The following ADCY7 variants were observed in gnomAD, a reference collection of about 807,000 sequenced individuals.
ADCY7 encodes adenylate cyclase 7, also known as adenylate cyclase type 7.
In ADCY7, 72 loss-of-function variants were observed where a neutral mutation model predicts 120.6. The ratio of observed to expected loss-of-function variants is 0.60; its 90% CI spans 0.49 to 0.73. ADCY7 has a LOEUF of 0.73. ADCY7 is among the 30% of genes least tolerant of loss of function. ADCY7 has a pLI of 0.00. For synonymous variants in ADCY7, 661 were observed against 628.0 expected (o/e 1.05, Z -0.78); for missense variants, 1,227 against 1,486.0 (o/e 0.83, Z 2.87).
chr16:50,304,302 C>T (rs1050229484), intron 10 of ADCY7, 58 bp from the exon 11 acceptor site: 2 of 1,357,750 alleles, frequency 1.5e-6, no homozygotes, highest in African/African-American at 3.0e-5. Context: ...GATGGCGGCC[C>T]CTTCCTGGGC....
At chr16:50,288,598 C>T (rs1175511725) in intron 2 of ADCY7, among the ~76,000 whole-genome samples, 3 of 152,198 alleles carry the variant, frequency 2.0e-5, no homozygotes, top group Admixed American at 6.5e-5. Context: ...CTGCCTCAGC[C>T]TTCCGAGTAG....
At chr16:50,279,164 G>T (rs2034097979) in intron 1 of ADCY7, among the ~76,000 whole-genome samples, 1 of 152,128 alleles carries the variant, frequency 6.6e-6, no homozygotes, top group African/African-American at 2.4e-5. Context: ...GAGCCACCGT[G>T]CCAGGTCTAT....
At chr16:50,263,167 C>T (rs1464768298), upstream of ADCY7, among the ~76,000 whole-genome samples, 6 of 152,288 alleles carry the variant, frequency 3.9e-5, no homozygotes, top group Admixed American at 2.0e-4. Flanking sequence ...GGGATGATAG[C>T]AGGGCCTTCC....
rs1293639166 is a variant in ADCY7, at chr16:50,309,537, C to G, written c.2062-11C>G. The stretch of plus-strand genomic sequence containing the variant: ...TGTCCCTGGACTGATGGGGACCTGT[C>G]TCCTCTACAGCCCCTGATGCCTTTC... On this transcript the variant is annotated splice_polypyrimidine_tract_variant and intron_variant, in intron 17 of 25. Transcript: ENST00000673801. The G allele has an allele frequency of 3.1e-6, 5 of 1,612,730 alleles. No homozygotes were observed. The South Asian group carries it at 5.5e-5, about 18-fold the overall frequency.
chr16:50,300,364 G>A (rs1457939709), intron 8 of ADCY7, among the ~76,000 whole-genome samples: 3 of 152,168 alleles, frequency 2.0e-5, no homozygotes, highest in Non-Finnish European at 4.4e-5. Context: ...GAGCCACCAC[G>A]CCCGGCCCCC....
intron 1 of ADCY7, among the ~76,000 whole-genome samples, chr16:50,285,031 G>C (rs905952105): frequency 2.0e-5 from 3 of 152,230 alleles, no homozygotes; most frequent in African/African-American, 7.2e-5. Context: ...AGGGTTGGAT[G>C]TATATGGTTA....
chr16:50,293,534 C>T (rs748333762), intron 6 of ADCY7, 32 bp downstream of exon 6: 14 of 1,608,370 alleles, frequency 8.7e-6, no homozygotes, highest in Admixed American at 1.7e-5. Flanking sequence ...TAGCATATCC[C>T]GGGGACTGGG....
At chr16:50,278,883 T>C (rs911420896) in intron 1 of ADCY7, among the ~76,000 whole-genome samples, 2 of 151,682 alleles carry the variant, frequency 1.3e-5, no homozygotes, top group Non-Finnish European at 2.9e-5. Context: ...TCTTTTTTTT[T>C]TTTTTTTTGG....
intron 1 of ADCY7, among the ~76,000 whole-genome samples, chr16:50,286,349 A>C (rs1392535343): frequency 4.2e-5 from 6 of 142,274 alleles, no homozygotes; most frequent in Admixed American, 2.2e-4. Flanking sequence ...GGATTGCCTG[A>C]GCCCTGGGAG....
At position 50,295,345 on chromosome 16, in the gene ADCY7, ATTTTTTTTTTTTTTTT is replaced by A. The variant is rs67137852; in HGVS notation, c.948+609_948+624del. ...AGGCATGCACCACCACGCCTGGCTA[ATTTTTTTTTTTTTTTT>A]TTTTTTTTTTTTTTGTAGCAATGGG... On this transcript the variant is annotated intron_variant, in intron 7 of 25. Transcript: ENST00000673801. Among the ~76,000 whole-genome samples, 302 of 82,756 alleles carry A rather than the reference ATTTTTTTTTTTTTTTT, an allele frequency of 3.6e-3. 2 individuals are homozygous for A. Among genetic ancestry groups the A allele is most frequent in the African/African-American group, 0.013 (284 of 21,086 alleles). The allele number at this position is 82,756 out of a possible 152,430, so 54.3% of individuals were successfully genotyped here.
chr16:50,248,653 C>T lies in ADCY7; in HGVS notation c.-64+2450C>T, dbSNP rs116841849. Among the ~76,000 whole-genome samples, 38 of 152,294 alleles carry T rather than the reference C, an allele frequency of 2.5e-4. No individual in the cohort carries two copies. In the East Asian group the frequency reaches 6.8e-3, roughly 27 times the overall value. ...GTGCTTTCTGTGTTTTCAAAATTGT[C>T]GGCAATGAGGAAGAAAAGCAAAACT... On this transcript the variant is annotated intron_variant, in intron 1 of 4. Transcript: ENST00000564044.
chr16:50,281,158 G>C (rs577802108), intron 1 of ADCY7, among the ~76,000 whole-genome samples: 43 of 152,300 alleles, frequency 2.8e-4, no homozygotes, highest in African/African-American at 1.0e-3. Context: ...GACACTAAGC[G>C]TGCCTTCTTG....
Position 50,315,703 on chromosome 16 carries a change from C to G in ADCY7, c.*198C>G, listed in dbSNP as rs60444957. The G allele has an allele frequency of 3.2e-6, 2 of 616,312 alleles. No individual in the cohort carries two copies. The highest frequency in any genetic ancestry group is 3.7e-5 in the African/African-American group (2 of 54,350). 38.2% of individuals were successfully genotyped at this position (616,312 alleles called of 1,614,324 possible). On this transcript the variant is annotated 3_prime_UTR_variant, in exon 26 of 26. Transcript: ENST00000673801. ...TCGAAGCAGCCACTGAGCCATAATG[C>G]GCAGGGGAGGCCAGAAGCTCTGTGC...
In ADCY7 at chr16:50,309,600, T is replaced by C. The variant is rs1358110146; in HGVS notation, c.2114T>C (p.Leu705Pro). Residue 705 changes from leucine (L) to proline (P), a missense_variant, in exon 18 of 26, where the codon CTA (leucine) becomes CCA (proline). Transcript: ENST00000673801. ...CTGCCTGTTGGCAATGAGACAGGCCTACTGGCCGCGAGCAGCAAGACAAGA... is the reference window on the plus strand; with the variant it reads ...CTGCCTGTTGGCAATGAGACAGGCCCACTGGCCGCGAGCAGCAAGACAAGA... ...PELPVGNETG[L>P]LAASSKTRAL... The C allele has an allele frequency of 6.2e-7, 1 of 1,613,376 alleles. No homozygotes were observed. The highest frequency in any genetic ancestry group is 8.5e-7 in the Non-Finnish European group (1 of 1,180,006).
intron 9 of ADCY7, 28 bp downstream of exon 9, chr16:50,300,901 A>G (rs2035672529): frequency 1.3e-6 from 2 of 1,551,362 alleles, no homozygotes; most frequent in Non-Finnish European, 1.7e-6. Flanking sequence ...AGCCGCAGGG[A>G]CAGAGGCCTG....
At chr16:50,308,615 C>T in intron 16 of ADCY7, 52 bp from the exon 17 acceptor site, 4 of 1,578,072 alleles carry the variant, frequency 2.5e-6, no homozygotes, top group Admixed American at 1.8e-5. Flanking sequence ...AGCGACCAGC[C>T]CTCCTTGCCC....
chr16:50,291,213 A>C (rs1184610964), intron 3 of ADCY7, among the ~76,000 whole-genome samples: 1 of 152,128 alleles, frequency 6.6e-6, no homozygotes, highest in Non-Finnish European at 1.5e-5. Context: ...CCTGGGTCCT[A>C]TGACAGCTCC....
chr16:50,308,186 A>G, intron 15 of ADCY7, 141 bp from the exon 16 acceptor site: 1 of 1,451,302 alleles, frequency 6.9e-7, no homozygotes, highest in Non-Finnish European at 9.5e-7. Flanking sequence ...CAGCTGGGCC[A>G]CAGTTTTCAC....
intron 22 of ADCY7, 126 bp downstream of exon 22, chr16:50,313,162 A>C: frequency 7.5e-7 from 1 of 1,327,760 alleles, no homozygotes; most frequent in Non-Finnish European, 1.0e-6. Flanking sequence ...GTGGTCTATA[A>C]TCCCAGCACT....
Sources: allele counts gnomAD v4.1 joint callset (sites outside exome capture counted in the v4.1 genomes callset), GRCh38; gene constraint gnomAD v4.1.1; transcripts MANE v1.5; gene names NCBI Gene and HGNC (gene_info 2026-07-23, HGNC 2026-07-21).